Variants in NUP214 observed in about 807,000 individuals in gnomAD.
NUP214 encodes nuclear pore complex protein Nup214.
NUP214 carries 79 observed loss-of-function variants against 196.2 expected under a neutral mutation model. The ratio of observed to expected loss-of-function variants is 0.40; its 90% CI spans 0.34 to 0.49. The LOEUF (loss-of-function observed/expected upper bound fraction) is 0.49. Ranked by LOEUF, NUP214 falls within the 20% of genes least tolerant of loss-of-function variation. The pLI, the probability that NUP214 is intolerant of heterozygous loss-of-function variation, is 0.58. For synonymous variants in NUP214, 1,020 were observed against 990.5 expected, an observed-to-expected ratio of 1.03 and a Z score of -0.56; for missense variants, 2,468 against 2,539.0, an observed-to-expected ratio of 0.97 and a Z score of 0.60.
At chr9:131,153,807 A>G (rs540740186) in intron 17 of NUP214, among the ~76,000 whole-genome samples, 2 of 152,274 alleles carry the variant, frequency 1.3e-5, no homozygotes, top group Non-Finnish European at 2.9e-5. Context: ...CTCGTACTCA[A>G]GAGTCTGGTT....
In NUP214 at chr9:131,159,762, CAGG is replaced by C. The variant is rs1832574703; in HGVS notation, c.2540+279_2540+281del. On this transcript the variant is annotated intron_variant, in intron 18 of 35. Transcript: ENST00000359428. ...ATCCCAGCTACTATGGAGGCTGAGG[CAGG>C]AGAATCGCTTGAACCCAGGAGGCGG... Among the ~76,000 whole-genome samples the C allele has an allele frequency of 3.3e-5, 5 of 151,944 alleles. No homozygotes were observed. In the South Asian group the frequency reaches 1.0e-3, roughly 32 times the overall value.
In NUP214 at chr9:131,197,229, C is replaced by A; in HGVS notation, c.3735C>A (p.Ser1245=). The change falls in exon 29 of 36, where the codon TCC becomes TCA. Residue 1245 remains serine, a synonymous_variant. Coordinates refer to ENST00000359428, the MANE Select transcript of NUP214 (RefSeq NM_005085.4). ...NFTAAQGATP[S]TKESSQPDAF... is the part of the protein sequence containing the mutation. Reference sequence around the variant, plus strand: ...TTTTCTTGCTAGGGGCAACACCCTCCACTAAAGAGTCAAGCCAGCCGGACG... The same window carrying A: ...TTTTCTTGCTAGGGGCAACACCCTCAACTAAAGAGTCAAGCCAGCCGGACG... The A allele has an allele frequency of 6.2e-7, 1 of 1,614,136 alleles. No homozygotes were observed. Among genetic ancestry groups the A allele is most frequent in the Non-Finnish European group, 8.5e-7 (1 of 1,179,976 alleles).
At chr9:131,130,132 G>GTTTTTTTTTTTTTTTTTTTTTTTTTTTT (rs1245763919) in intron 4 of NUP214, among the ~76,000 whole-genome samples, 1 of 46,552 alleles carries the variant, frequency 2.1e-5, no homozygotes, top group Non-Finnish European at 4.3e-5. Flanking sequence ...ATGATTTCTG[G>GTTTTTTTTTTTTTTTTTTTTTTTTTTTT]TTTTGTTTTT....
At chr9:131,218,579 C>T (rs148343203) in intron 31 of NUP214, among the ~76,000 whole-genome samples, 154 of 152,204 alleles carry the variant, frequency 1.0e-3, no homozygotes, top group African/African-American at 3.6e-3. Context: ...CACCAACCCC[C>T]GCACTCCCCG....
At chr9:131,171,471 T>C (rs927676467) in intron 21 of NUP214, among the ~76,000 whole-genome samples, 8 of 152,062 alleles carry the variant, frequency 5.3e-5, no homozygotes, top group Non-Finnish European at 1.0e-4. Context: ...ATTAGTTTCC[T>C]ATGGATGCCG....
intron 10 of NUP214, among the ~76,000 whole-genome samples, chr9:131,139,675 T>C (rs1226994840): frequency 6.6e-6 from 1 of 152,228 alleles, no homozygotes; most frequent in Non-Finnish European, 1.5e-5. Flanking sequence ...GGGTGTACTT[T>C]AGAATCTGGT....
At chr9:131,168,518 G>A (rs1417190570) in intron 21 of NUP214, among the ~76,000 whole-genome samples, 1 of 152,116 alleles carries the variant, frequency 6.6e-6, no homozygotes, top group African/African-American at 2.4e-5. Context: ...GTCAATTCTT[G>A]TTCTACCCAA....
At chr9:131,139,908 A>G (rs1831856417) in intron 10 of NUP214, among the ~76,000 whole-genome samples, 1 of 152,206 alleles carries the variant, frequency 6.6e-6, no homozygotes, top group South Asian at 2.1e-4. Context: ...TACTGTAGTC[A>G]TTGAAATGTA....
In NUP214 at chr9:131,198,652, G is replaced by T. The variant is rs141716362; in HGVS notation, c.5158G>T (p.Val1720Phe). ...AGCTTTTGGTACCACAGCCCCAGGG[G>T]TCTTTGGACAGACAACCTTCGGGCA... ...SPAFGTTAPG[V>F]FGQTTFGQAS... Residue 1720 changes from valine to phenylalanine, a missense_variant, in exon 29 of 36, where the codon GTC (valine) becomes TTC (phenylalanine). Transcript: ENST00000359428. 7 of 1,614,232 alleles carry T rather than the reference G, an allele frequency of 4.3e-6. No homozygotes were observed. The highest frequency in any genetic ancestry group is 5.9e-6 in the Non-Finnish European group (7 of 1,180,030).
At chr9:131,175,377 G>A (rs989501660) in intron 22 of NUP214, 83 bp from the exon 23 acceptor site, 12 of 1,488,294 alleles carry the variant, frequency 8.1e-6, no homozygotes, top group South Asian at 1.2e-5. Flanking sequence ...CCCTGCAGTC[G>A]AACATAAAGA....
At chr9:131,192,337 C>A in intron 27 of NUP214, 45 bp downstream of exon 27, 2 of 1,131,664 alleles carry the variant, frequency 1.8e-6, no homozygotes, top group Non-Finnish European at 2.6e-6. Context: ...TAGCAATTAG[C>A]TTCCCCAAAT....
intron 31 of NUP214, among the ~76,000 whole-genome samples, chr9:131,216,775 C>T (rs951246308): frequency 6.6e-6 from 1 of 152,104 alleles, no homozygotes; most frequent in Admixed American, 6.5e-5. Flanking sequence ...GATCCGCCCA[C>T]CTCAGCCTCC....
At chr9:131,202,209 C>T (rs531512324) in intron 30 of NUP214, among the ~76,000 whole-genome samples, 12 of 152,182 alleles carry the variant, frequency 7.9e-5, no homozygotes, top group African/African-American at 2.4e-4. Flanking sequence ...CGATCCTCCA[C>T]GCCTGACCAC....
At chr9:131,221,522 C>A (rs1048961087) in intron 31 of NUP214, among the ~76,000 whole-genome samples, 1 of 152,110 alleles carries the variant, frequency 6.6e-6, no homozygotes, top group Non-Finnish European at 1.5e-5. Flanking sequence ...AGTTGAGAGA[C>A]CTGGGGAGGT....
intron 27 of NUP214, chr9:131,194,091 T>C (rs1833704871): frequency 6.6e-6 from 1 of 151,920 alleles, no homozygotes; most frequent in African/African-American, 2.4e-5. Context: ...GTCTAAGTTA[T>C]TACATTATTT....
chr9:131,140,374 C>CT (rs1406675894), intron 10 of NUP214, among the ~76,000 whole-genome samples, 175 bp from the exon 11 acceptor site: 1 of 152,154 alleles, frequency 6.6e-6, no homozygotes, highest in Non-Finnish European at 1.5e-5. Context: ...CAGGAACTCT[C>CT]TTTAAATAGC....
intron 10 of NUP214, 105 bp from the exon 11 acceptor site, chr9:131,140,444 A>G: frequency 5.6e-6 from 5 of 889,984 alleles, no homozygotes; most frequent in Non-Finnish European, 6.9e-6. Flanking sequence ...GCTGCTATTC[A>G]GATGAGTCCC....
chr9:131,225,067 A>C (rs2131099963), intron 32 of NUP214, among the ~76,000 whole-genome samples: 1 of 151,292 alleles, frequency 6.6e-6, no homozygotes, highest in East Asian at 2.0e-4. Flanking sequence ...GTTCAAGACC[A>C]ACCTGGGCAA....
At chr9:131,207,190 T>C (rs1834111341) in intron 30 of NUP214, among the ~76,000 whole-genome samples, 1 of 152,224 alleles carries the variant, frequency 6.6e-6, no homozygotes, top group Non-Finnish European at 1.5e-5. Flanking sequence ...ACTCTGGCAG[T>C]ATTGGAATTA....
Sources: gnomAD v4.1 joint callset for allele counts (sites outside exome capture counted in the v4.1 genomes callset) on GRCh38, gnomAD v4.1.1 for gene constraint, MANE v1.5 for transcripts, NCBI Gene and HGNC (gene_info 2026-07-23, HGNC 2026-07-21) for gene names.